Variants in AGBL4 observed in about 807,000 individuals in gnomAD.
AGBL4 encodes the protein AGBL carboxypeptidase 4.
AGBL4 carries 58 observed loss-of-function variants against 66.4 expected under a neutral mutation model. That is an observed-to-expected ratio of 0.87 (90% CI 0.71 to 1.09). The LOEUF (loss-of-function observed/expected upper bound fraction) is 1.09, where lower values mean the gene tolerates loss of function less well. Among genes scored for constraint, AGBL4 ranks in the 50% least tolerant of loss-of-function variants. AGBL4 has a pLI of 0.00. For missense variants in AGBL4, 579 were observed against 631.0 expected (o/e 0.92, Z 0.88); for synonymous variants, 234 against 222.9 (o/e 1.05, Z -0.44).
intron 5 of AGBL4, among the ~76,000 whole-genome samples, chr1:48,949,494 T>A (rs1267040347): frequency 6.6e-6 from 1 of 152,150 alleles, no homozygotes; most frequent in Non-Finnish European, 1.5e-5. Context: ...CTAGGAAGAA[T>A]GGGACACATT....
At chr1:48,627,959 C>A (rs1462697056) in intron 9 of AGBL4, among the ~76,000 whole-genome samples, 2 of 152,178 alleles carry the variant, frequency 1.3e-5, no homozygotes, top group African/African-American at 4.8e-5. Flanking sequence ...CAGTAAGCAC[C>A]TACCTGGTCT....
At position 48,590,815 on chromosome 1, in the gene AGBL4, A is replaced by G; in HGVS notation, c.1104+18T>C. On this transcript the variant is annotated intron_variant, in intron 10 of 13. Coordinates refer to ENST00000371839, the MANE Select transcript of AGBL4 (RefSeq NM_032785.4). ...GTGTGGGGGGCTGGGGCTGGCTGAG[A>G]GAGAACTCCTGGCTTACATAGGAGA... 6.3e-7 allele frequency: 1 copy of G among 1,586,354 alleles called. No individual in the cohort carries two copies. Among genetic ancestry groups the G allele is most frequent in the South Asian group, 1.2e-5 (1 of 86,278 alleles).
intron 4 of AGBL4, among the ~76,000 whole-genome samples, chr1:49,221,775 C>A (rs976313189): frequency 6.6e-6 from 1 of 151,946 alleles, no homozygotes; most frequent in African/African-American, 2.4e-5. Flanking sequence ...TCAATATAAA[C>A]CTCATTAAAT....
intron 3 of AGBL4, among the ~76,000 whole-genome samples, chr1:49,618,443 C>T (rs1021498426): frequency 2.2e-4 from 29 of 132,246 alleles, no homozygotes; most frequent in African/African-American, 7.3e-4. Context: ...CTAAATAGAC[C>T]AATAACAAAT....
At chr1:49,917,564 G>C (rs1176676872) in intron 1 of AGBL4, among the ~76,000 whole-genome samples, 2 of 152,018 alleles carry the variant, frequency 1.3e-5, no homozygotes, top group East Asian at 3.9e-4. Flanking sequence ...CCCATTACAG[G>C]AGCACCAAGA....
At chr1:49,247,544 G>T (rs1486835615) in intron 3 of AGBL4, among the ~76,000 whole-genome samples, 1 of 152,016 alleles carries the variant, frequency 6.6e-6, no homozygotes, top group Non-Finnish European at 1.5e-5. Context: ...CAATATTGAG[G>T]GGACAAATGG....
At chr1:49,455,340 TG>T (rs1243412444) in intron 3 of AGBL4, among the ~76,000 whole-genome samples, 1 of 151,732 alleles carries the variant, frequency 6.6e-6, no homozygotes, top group Non-Finnish European at 1.5e-5. Context: ...TCTATAAAGC[TG>T]GGGTGAAAAT....
At chr1:49,452,751 T>C (rs1473589599) in intron 3 of AGBL4, among the ~76,000 whole-genome samples, 1 of 151,856 alleles carries the variant, frequency 6.6e-6, no homozygotes, top group African/African-American at 2.4e-5. Flanking sequence ...TCTCTGACTA[T>C]AGACTAAAGA....
chr1:49,519,473 A>G (rs1650084697), intron 3 of AGBL4, among the ~76,000 whole-genome samples: 1 of 152,134 alleles, frequency 6.6e-6, no homozygotes, highest in Non-Finnish European at 1.5e-5. Context: ...ACCGGAGTTC[A>G]TCCTGTTTTA....
intron 1 of AGBL4, among the ~76,000 whole-genome samples, chr1:49,903,182 T>C (rs1204302645): frequency 6.6e-6 from 1 of 152,200 alleles, no homozygotes; most frequent in Non-Finnish European, 1.5e-5. Flanking sequence ...AATGAGATTA[T>C]ATCCTTTGCA....
At chr1:49,452,013 C>T (rs1250339149) in intron 3 of AGBL4, among the ~76,000 whole-genome samples, 1 of 151,832 alleles carries the variant, frequency 6.6e-6, no homozygotes, top group African/African-American at 2.4e-5. Flanking sequence ...TCCTTTTGCC[C>T]AATACTAAAC....
intron 3 of AGBL4, among the ~76,000 whole-genome samples, chr1:49,299,911 C>T (rs953990967): frequency 1.3e-5 from 2 of 151,976 alleles, no homozygotes; most frequent in Non-Finnish European, 2.9e-5. Flanking sequence ...GTGGTACTCT[C>T]ATTAATTTTT....
intron 3 of AGBL4, among the ~76,000 whole-genome samples, chr1:49,416,212 T>C (rs1645423341): frequency 6.6e-6 from 1 of 152,168 alleles, no homozygotes; most frequent in South Asian, 2.1e-4. Context: ...TTGATCCAGA[T>C]GATATTTATA....
rs942498935 is a variant in AGBL4 at position 49,533,355 on chromosome 1, T to A, written c.282+163958A>T. Among the ~76,000 whole-genome samples the A allele has an allele frequency of 2.6e-5, 4 of 152,340 alleles. No individual in the cohort carries two copies. In the East Asian group the frequency reaches 7.7e-4, roughly 29 times the overall value. On this transcript the variant is annotated intron_variant, in intron 3 of 13. Coordinates refer to ENST00000371839, the MANE Select transcript of AGBL4 (RefSeq NM_032785.4). Reference sequence around the variant, plus strand: ...GTCAGTTTAGAAAATAAGCCACAAATATGAATGCTTAATCCTGGTAATGAT... The same window carrying A: ...GTCAGTTTAGAAAATAAGCCACAAAAATGAATGCTTAATCCTGGTAATGAT...
chr1:49,198,602 A>T (rs1647422142), intron 4 of AGBL4, among the ~76,000 whole-genome samples: 1 of 152,092 alleles, frequency 6.6e-6, no homozygotes, highest in Non-Finnish European at 1.5e-5. Context: ...AGCCTCCCAA[A>T]GTGCTAGGAT....
At chr1:49,942,589 A>G (rs1453107187) in intron 1 of AGBL4, among the ~76,000 whole-genome samples, 1 of 152,190 alleles carries the variant, frequency 6.6e-6, no homozygotes, top group Non-Finnish European at 1.5e-5. Flanking sequence ...ATAAAATAAC[A>G]GTTTCTTCAA....
intron 3 of AGBL4, among the ~76,000 whole-genome samples, chr1:49,693,262 T>A (rs1032967361): frequency 6.6e-6 from 1 of 152,180 alleles, no homozygotes; most frequent in South Asian, 2.1e-4. Context: ...TGCCTATCAT[T>A]TCCTCTCATA....
chr1:49,283,940 A>G (rs1232638967), intron 3 of AGBL4, among the ~76,000 whole-genome samples: 3 of 149,688 alleles, frequency 2.0e-5, no homozygotes, highest in African/African-American at 7.4e-5. Context: ...GTTGGAAAAC[A>G]CTCTGCAGGA....
intron 5 of AGBL4, among the ~76,000 whole-genome samples, chr1:48,946,766 C>A (rs960248759): frequency 6.6e-6 from 1 of 152,064 alleles, no homozygotes; most frequent in Admixed American, 6.6e-5. Context: ...TACATGGACA[C>A]GAGAGTAGTA....
Sources: gnomAD v4.1 joint callset for allele counts (sites outside exome capture counted in the v4.1 genomes callset) on GRCh38, gnomAD v4.1.1 for gene constraint, MANE v1.5 for transcripts, NCBI Gene and HGNC (gene_info 2026-07-23, HGNC 2026-07-21) for gene names.